DLGAP4: variants seen among roughly 807,000 people sequenced by gnomAD.
DLGAP4 encodes DLG associated protein 4, also known as disks large-associated protein 4.
DLGAP4 carries 18 observed loss-of-function variants against 86.9 expected under a neutral mutation model. The observed-to-expected ratio is 0.21, with a 90% CI of 0.14 to 0.31. The LOEUF (loss-of-function observed/expected upper bound fraction) is 0.31. DLGAP4 is among the 10% of genes least tolerant of loss of function. The probability of loss-of-function intolerance (pLI) is 1.00; values close to 1 mark genes in which losing one functional copy is unlikely to be tolerated. For missense variants in DLGAP4, 1,085 were observed against 1,362.6 expected, an observed-to-expected ratio of 0.80 and a Z score of 3.21; for synonymous variants, 548 against 574.3, an observed-to-expected ratio of 0.95 and a Z score of 0.65.
chr20:36,379,615 G>A (rs189952768), intron 2 of DLGAP4, among the ~76,000 whole-genome samples: 1 of 152,174 alleles, frequency 6.6e-6, no homozygotes, highest in African/African-American at 2.4e-5. Flanking sequence ...TTTTAGAGGA[G>A]AGCCTGGTGC....
At chr20:36,418,869 A>T (rs966278698) in intron 2 of DLGAP4, among the ~76,000 whole-genome samples, 10 of 152,208 alleles carry the variant, frequency 6.6e-5, no homozygotes, top group African/African-American at 2.4e-4. Flanking sequence ...GTTGCTATGG[A>T]CACGGACTTA....
intron 11 of DLGAP4, 188 bp from the exon 12 acceptor site, chr20:36,525,663 C>T (rs1432576603): frequency 2.8e-6 from 2 of 718,570 alleles, no homozygotes; most frequent in Non-Finnish European, 4.5e-6. Flanking sequence ...CAAAGATCCC[C>T]ACCACTAGGG....
chr20:36,496,168 G>A (rs999623468), intron 7 of DLGAP4, among the ~76,000 whole-genome samples: 5 of 152,130 alleles, frequency 3.3e-5, no homozygotes, highest in South Asian at 2.1e-4. Context: ...CACTGCGCCC[G>A]GCCAGATGTG....
chr20:36,371,871 G>A (rs1257210562), intron 2 of DLGAP4, among the ~76,000 whole-genome samples: 2 of 152,128 alleles, frequency 1.3e-5, no homozygotes, highest in African/African-American at 4.8e-5. Context: ...TGGGGGCATG[G>A]GTGATCTTTG....
Position 36,416,675 on chromosome 20 carries a change from T to G in DLGAP4, c.-72-14971T>G, listed in dbSNP as rs1266295731. ...CCGACTTTTAAGGTCAGGGAAGATTTCTTGGAGCAGGGTGTGTCTTCTCTG... is the reference window on the plus strand; with the variant it reads ...CCGACTTTTAAGGTCAGGGAAGATTGCTTGGAGCAGGGTGTGTCTTCTCTG... On this transcript the variant is annotated intron_variant, in intron 2 of 12. Coordinates refer to ENST00000339266, the MANE Select transcript of DLGAP4 (RefSeq NM_001365621.2). 4.7e-4 allele frequency among the ~76,000 whole-genome samples: 71 copies of G among 152,198 alleles called. 1 individual carries two copies. Among genetic ancestry groups the G allele is most frequent in the Non-Finnish European group, 7.3e-5 (5 of 68,028 alleles).
intron 2 of DLGAP4, among the ~76,000 whole-genome samples, chr20:36,423,802 A>G (rs1227217595): frequency 1.3e-5 from 2 of 151,794 alleles, no homozygotes; most frequent in African/African-American, 2.4e-5. Flanking sequence ...TCTACCAAAA[A>G]TACAAAATGT....
intron 1 of DLGAP4, among the ~76,000 whole-genome samples, chr20:36,365,067 T>G (rs782548837): frequency 6.6e-6 from 1 of 152,050 alleles, no homozygotes; most frequent in African/African-American, 2.4e-5. Context: ...TGCACTCTAG[T>G]CTGGGCAACA....
In DLGAP4 at chr20:36,528,064, A is replaced by G. The variant is rs1159184869; in HGVS notation, c.*1033A>G. The G allele has an allele frequency of 6.6e-6, 1 of 151,946 alleles. No homozygotes were observed. The highest frequency in any genetic ancestry group is 1.5e-5 in the Non-Finnish European group (1 of 67,986). 9.4% of individuals were successfully genotyped at this position (151,946 alleles called of 1,614,324 possible). Reference sequence around the variant, plus strand: ...GGAGGCGGGTGTGTGAATAGCATATATTTTTACATGTACTATATCTAGGTG... The same window carrying G: ...GGAGGCGGGTGTGTGAATAGCATATGTTTTTACATGTACTATATCTAGGTG... On this transcript the variant is annotated 3_prime_UTR_variant, in exon 13 of 13. Transcript: ENST00000339266.
At chr20:36,466,997 GTCTCTCTCTCTCTCTCTCTCCTC>G (rs2034403510) in intron 7 of DLGAP4, among the ~76,000 whole-genome samples, 22 of 38,696 alleles carry the variant, frequency 5.7e-4, no homozygotes, top group African/African-American at 2.0e-3. Flanking sequence ...CTCTGTCTCT[GTCTCTCTCTCTCTCTCTCTCCTC>G]TCTCTCTCTC....
At chr20:36,447,939 C>T (rs2033641158) in intron 7 of DLGAP4, among the ~76,000 whole-genome samples, 1 of 131,680 alleles carries the variant, frequency 7.6e-6, no homozygotes, top group Non-Finnish European at 1.6e-5. Flanking sequence ...AGCATTAGGA[C>T]AAATATCTAA....
chr20:36,377,868 G>A (rs185587983), intron 2 of DLGAP4, among the ~76,000 whole-genome samples: 9 of 152,308 alleles, frequency 5.9e-5, no homozygotes, highest in East Asian at 1.9e-4. Context: ...TCAGCTCTTC[G>A]GGGGATTGGC....
At chr20:36,426,062 G>A (rs1453539322) in intron 2 of DLGAP4, among the ~76,000 whole-genome samples, 2 of 152,138 alleles carry the variant, frequency 1.3e-5, no homozygotes, top group African/African-American at 2.4e-5. Flanking sequence ...GCCATAAAAC[G>A]GAATGAAGTT....
intron 2 of DLGAP4, among the ~76,000 whole-genome samples, chr20:36,398,733 A>G (rs2147479208): frequency 6.6e-6 from 1 of 152,332 alleles, no homozygotes; most frequent in South Asian, 2.1e-4. Context: ...TAACCTGCCC[A>G]AGGTCACACA....
chr20:36,439,804 C>A lies in DLGAP4; in HGVS notation c.1292C>A (p.Pro431Gln). ...GACATGCTGCTGCCCTCCAAGTGTC[C>A]GAGCTGGGAAGAGGACTACACCCCC... ...SVDMLLPSKCPSWEEDYTPVS... is the reference protein window; with the variant it reads ...SVDMLLPSKCQSWEEDYTPVS... The change falls in exon 5 of 13, where the codon CCG (proline) becomes CAG (glutamine). Residue 431 changes from proline (P) to glutamine (Q), a missense_variant. Transcript: ENST00000339266. The A allele has an allele frequency of 6.2e-7, 1 of 1,613,862 alleles. No homozygotes were observed. Among genetic ancestry groups the A allele is most frequent in the African/African-American group, 1.3e-5 (1 of 75,024 alleles).
At chr20:36,388,265 A>G (rs546711574) in intron 2 of DLGAP4, among the ~76,000 whole-genome samples, 1 of 152,238 alleles carries the variant, frequency 6.6e-6, no homozygotes, top group East Asian at 1.9e-4. Flanking sequence ...ATAGCATGAC[A>G]CTGTCAGGCA....
At chr20:36,506,693 C>T (rs1338348110) in intron 10 of DLGAP4, among the ~76,000 whole-genome samples, 2 of 152,092 alleles carry the variant, frequency 1.3e-5, no homozygotes, top group African/African-American at 4.8e-5. Context: ...TGAAAATTAC[C>T]ATTTCAACCA....
chr20:36,439,212 T>A (rs2033375891), intron 4 of DLGAP4, among the ~76,000 whole-genome samples: 1 of 152,140 alleles, frequency 6.6e-6, no homozygotes, highest in Non-Finnish European at 1.5e-5. Flanking sequence ...GGTAGCATCA[T>A]CCCCATTTTA....
chr20:36,359,006 G>A (rs2030427613), intron 1 of DLGAP4, among the ~76,000 whole-genome samples: 1 of 152,156 alleles, frequency 6.6e-6, no homozygotes. Flanking sequence ...TCCAGTCTGG[G>A]ATTGAGAATG....
intron 10 of DLGAP4, among the ~76,000 whole-genome samples, chr20:36,510,287 C>T (rs933978629): frequency 2.6e-5 from 4 of 151,244 alleles, no homozygotes; most frequent in East Asian, 2.0e-4. Context: ...ATTTTTTTGG[C>T]GAGTCTCACT....
Sources: gnomAD v4.1 joint callset for allele counts (sites outside exome capture counted in the v4.1 genomes callset) on GRCh38, gnomAD v4.1.1 for gene constraint, MANE v1.5 for transcripts, NCBI Gene and HGNC (gene_info 2026-07-23, HGNC 2026-07-21) for gene names.